TOR1A: variants seen among roughly 807,000 people sequenced by gnomAD.
The protein encoded by TOR1A is torsin family 1 member A.
Under a neutral mutation model 31.4 loss-of-function variants are expected in TOR1A, and 18 were observed. The observed-to-expected ratio is 0.57, with a 90% CI of 0.40 to 0.85. The LOEUF (loss-of-function observed/expected upper bound fraction) is 0.85, where lower values mean the gene tolerates loss of function less well. Among genes scored for constraint, TOR1A ranks in the 40% least tolerant of loss-of-function variants. The pLI is 0.00. For missense variants in TOR1A, 375 were observed against 416.4 expected (o/e 0.90, Z 0.87); for synonymous variants, 168 against 165.9 (o/e 1.01, Z -0.10).
chr9:129,818,482 G>A, intron 4 of TOR1A, 38 bp downstream of exon 4: 11 of 1,612,914 alleles, frequency 6.8e-6, no homozygotes, highest in Non-Finnish European at 8.5e-6. Context: ...TGCAGGATTA[G>A]GAACCAGATG....
In TOR1A at chr9:129,814,177, TAATC is replaced by T. The variant is rs761056519; in HGVS notation, c.790_793del (p.Asp264IlefsTer13). 1.3e-5 allele frequency: 21 copies of T among 1,613,858 alleles called. No individual in the cohort carries two copies. Among genetic ancestry groups the T allele is most frequent in the South Asian group, 2.2e-5 (2 of 91,072 alleles). On this transcript the variant is annotated frameshift_variant, in exon 5 of 5. Coordinates refer to ENST00000351698, the MANE Select transcript of TOR1A (RefSeq NM_000113.3). LOFTEE classifies it high-confidence loss of function. The stretch of plus-strand genomic sequence containing the variant: ...TTCCAGGGGGAGGAAGGGAACAAAA[TAATC>T]AATGAGGTTCCGGTCAATTAAGCTG...
In TOR1A at chr9:129,822,793, T is replaced by G; in HGVS notation, c.232A>C (p.Ile78Leu). The G allele has an allele frequency of 6.2e-7, 1 of 1,614,162 alleles. No individual in the cohort carries two copies. The highest frequency in any genetic ancestry group is 8.5e-7 in the Non-Finnish European group (1 of 1,180,034). ...NLFGQHLAKK[I>L]ILNAVFGFIN... ...AAACCAAACACGGCATTTAAGATGA[T>G]TTTCTTTGCAAGATGCTGTCCAAAG... is the stretch of plus-strand genomic sequence containing the variant. Residue 78 changes from isoleucine to leucine, a missense_variant, in exon 2 of 5, where the codon ATC (isoleucine) becomes CTC (leucine). Coordinates refer to ENST00000351698, the MANE Select transcript of TOR1A (RefSeq NM_000113.3).
chr9:129,813,938 TC>T lies in TOR1A; in HGVS notation c.*33del. On this transcript the variant is annotated 3_prime_UTR_variant, in exon 5 of 5. Transcript: ENST00000351698. ...GACTGAGTGTTGTTTCTTTTCCAAC[TC>T]CAGGCAGTGACTCCGGCTGCCAATC... 6.2e-7 allele frequency: 1 copy of T among 1,612,110 alleles called. No homozygotes were observed. The highest frequency in any genetic ancestry group is 8.5e-7 in the Non-Finnish European group (1 of 1,179,934).
chr9:129,824,076 C>G lies in TOR1A; in HGVS notation c.10G>C (p.Gly4Arg). The change falls in exon 1 of 5, where the codon GGC (glycine) becomes CGC (arginine). Residue 4 changes from glycine to arginine, a missense_variant. Physicochemically the swap from Gly to Arg is moderately radical, Grantham distance 125. Transcript: ENST00000351698. MKL[G>R]RAVLGLLLLA... ...AGCAGCAGGCCCAGCACGGCCCGGC[C>G]CAGCTTCATGCCCGGACCCGCGCCA... The G allele has an allele frequency of 1.3e-6, 2 of 1,586,396 alleles. No individual in the cohort carries two copies. The highest frequency in any genetic ancestry group is 1.7e-6 in the Non-Finnish European group (2 of 1,170,028).
intron 4 of TOR1A, among the ~76,000 whole-genome samples, chr9:129,816,726 C>T (rs1434772094): frequency 6.6e-6 from 1 of 152,222 alleles, no homozygotes; most frequent in African/African-American, 2.4e-5. Flanking sequence ...GGATTCTAGG[C>T]CACGGGGCTC....
intron 1 of TOR1A, 26 bp downstream of exon 1, chr9:129,823,881 CA>C: frequency 1.1e-5 from 17 of 1,527,600 alleles, no homozygotes; most frequent in East Asian, 2.5e-5. Context: ...GCCCCAGCCC[CA>C]GCCTCCAGCC....
intron 1 of TOR1A, chr9:129,823,490 CCCCCAG>C (rs10682753): frequency 0.036 from 6,098 of 170,784 alleles, 443 homozygotes; most frequent in African/African-American, 0.14. Context: ...CTAGTGCCAT[CCCCCAG>C]CCCCAGCCCC....
chr9:129,818,831 G>A lies in TOR1A; in HGVS notation c.534C>T (p.Gly178=), dbSNP rs2031107975. ...GGAAAGGCTTGATGGCATCTATGAG[G>A]CCTGCATGCATCTTATCCATTTCAT... ...IFDEMDKMHA[G]LIDAIKPFLD... Residue 178 remains glycine (G), a synonymous_variant, in exon 3 of 5, where the codon GGC becomes GGT. Transcript: ENST00000351698. 1 of 1,613,716 alleles carries A rather than the reference G, an allele frequency of 6.2e-7. No homozygotes were observed. The highest frequency in any genetic ancestry group is 1.3e-5 in the African/African-American group (1 of 74,914).
At chr9:129,820,162 C>G (rs2031150843) in intron 2 of TOR1A, among the ~76,000 whole-genome samples, 1 of 151,644 alleles carries the variant, frequency 6.6e-6, no homozygotes, top group South Asian at 2.1e-4. Context: ...CGCTCTGTTA[C>G]CCAGACTGGA....
intron 2 of TOR1A, among the ~76,000 whole-genome samples, chr9:129,820,157 T>G (rs376762651): frequency 2.1e-4 from 32 of 152,144 alleles, no homozygotes; most frequent in African/African-American, 7.7e-4. Context: ...AGTCTCGCTC[T>G]GTTACCCAGA....
In TOR1A at chr9:129,823,946, G is replaced by C. The variant is rs2031258528; in HGVS notation, c.140C>G (p.Ala47Gly). 5.0e-6 allele frequency: 8 copies of C among 1,610,748 alleles called. No individual in the cohort carries two copies. Among genetic ancestry groups the C allele is most frequent in the Non-Finnish European group, 6.8e-6 (8 of 1,179,384 alleles). ...GCTCCGCTTCTGCCCGCAGCACTCGGCGAAGAGGCAGTAGAGACGCGGGTA... is the reference window on the plus strand; with the variant it reads ...GCTCCGCTTCTGCCCGCAGCACTCGCCGAAGAGGCAGTAGAGACGCGGGTA... ...YIYPRLYCLF[A>G]ECCGQKRSLS... The change falls in exon 1 of 5, where the codon GCC becomes GGC. Residue 47 changes from alanine to glycine, a missense_variant. Ala to Gly is a moderately conservative substitution (Grantham distance 60). Coordinates refer to ENST00000351698, the MANE Select transcript of TOR1A (RefSeq NM_000113.3).
rs1422987157 is a variant in TOR1A at position 129,818,925 on chromosome 9, A to T, written c.445-5T>A. On this transcript the variant is annotated splice_region_variant and splice_polypyrimidine_tract_variant and intron_variant, in intron 2 of 4. Coordinates refer to ENST00000351698, the MANE Select transcript of TOR1A (RefSeq NM_000113.3). The stretch of plus-strand genomic sequence containing the variant: ...AATCCACAACTGTAACTGATCCTGA[A>T]TTAAAAGGGGAAAAAGCGAACACAA... 3 of 1,612,350 alleles carry T rather than the reference A, an allele frequency of 1.9e-6. No homozygotes were observed. Among genetic ancestry groups the T allele is most frequent in the Non-Finnish European group, 2.5e-6 (3 of 1,179,990 alleles).
chr9:129,822,725 C>G lies in TOR1A; in HGVS notation c.300G>C (p.Leu100=), dbSNP rs773480738. The change falls in exon 2 of 5, where the codon CTG becomes CTC. Residue 100 remains leucine, a synonymous_variant. Coordinates refer to ENST00000351698, the MANE Select transcript of TOR1A (RefSeq NM_000113.3). ...TTTTGCCGGTGCCTGTCCACCCGTG[C>G]AGGGAGAGCGTGAGAGGTTTCTTGG... The part of the protein sequence containing the change: ...PKPKKPLTLS[L]HGWTGTGKNF... 2.5e-6 allele frequency: 4 copies of G among 1,614,052 alleles called. No homozygotes were observed. In the East Asian group the frequency reaches 6.7e-5, roughly 27 times the overall value.
rs570281623 is a variant in TOR1A, at chr9:129,819,755, A to T, written c.445-835T>A. On this transcript the variant is annotated intron_variant, in intron 2 of 4. Coordinates refer to ENST00000351698, the MANE Select transcript of TOR1A (RefSeq NM_000113.3). ...CGTGGCGACAGAGCAAGACTCCATT[A>T]AAAAAAAAAATACAAAAATTAGCCA... Among the ~76,000 whole-genome samples the T allele has an allele frequency of 2.4e-3, 327 of 137,640 alleles. 1 individual carries two copies. Among genetic ancestry groups the T allele is most frequent in the Non-Finnish European group, 3.6e-3 (221 of 62,104 alleles). The allele number at this position is 137,640 out of a possible 152,430, so 90.3% of individuals were successfully genotyped here.
intron 2 of TOR1A, chr9:129,821,585 G>C (rs1036794152): frequency 2.6e-5 from 4 of 152,252 alleles, no homozygotes; most frequent in African/African-American, 7.2e-5. Flanking sequence ...CTGCTCATCA[G>C]TGAGTTCAAC....
chr9:129,817,793 G>A, intron 4 of TOR1A, among the ~76,000 whole-genome samples: 1 of 128,268 alleles, frequency 7.8e-6, no homozygotes, highest in Non-Finnish European at 1.5e-5. Context: ...TTAAGTCCAG[G>A]AAGTCAAGAC....
chr9:129,821,586 T>G (rs1298138279), intron 2 of TOR1A: 2 of 152,170 alleles, frequency 1.3e-5, no homozygotes, highest in East Asian at 3.9e-4. Context: ...TGCTCATCAG[T>G]GAGTTCAACC....
rs1329915743 is a variant in TOR1A, at chr9:129,823,805, C to T, written c.178+103G>A. On this transcript the variant is annotated intron_variant, in intron 1 of 4. Transcript: ENST00000351698. Reference sequence around the variant, plus strand: ...CTAGCCCGGCCCTGGTGCCATCCCCCGGCCTCCATCCTCCATTCTCCATGC... The same window carrying T: ...CTAGCCCGGCCCTGGTGCCATCCCCTGGCCTCCATCCTCCATTCTCCATGC... 24 of 1,414,212 alleles carry T rather than the reference C, an allele frequency of 1.7e-5. No homozygotes were observed. The Admixed American group carries it at 4.4e-4, about 26-fold the overall frequency. The allele number at this position is 1,414,212 out of a possible 1,614,324, so 87.6% of individuals were successfully genotyped here. A position where few individuals can be genotyped will look rare whatever the true frequency, so the allele number is the denominator to read the frequency against.
chr9:129,817,491 G>A (rs1013221505), intron 4 of TOR1A, among the ~76,000 whole-genome samples: 31 of 151,120 alleles, frequency 2.1e-4, no homozygotes, highest in African/African-American at 7.6e-4. Flanking sequence ...ACGAGGTCAG[G>A]AGATAAGACC....
Sources: allele counts gnomAD v4.1 joint callset (sites outside exome capture counted in the v4.1 genomes callset), GRCh38; gene constraint gnomAD v4.1.1; transcripts MANE v1.5; gene names NCBI Gene and HGNC (gene_info 2026-07-23, HGNC 2026-07-21).